The following TAPT1 variants were observed in gnomAD, a reference collection of about 807,000 sequenced individuals.
The protein encoded by TAPT1 is transmembrane anterior posterior transformation 1.
TAPT1 carries 28 observed loss-of-function variants against 65.6 expected under a neutral mutation model. That is an observed-to-expected ratio of 0.43 (90% CI 0.32 to 0.59). TAPT1 has a LOEUF of 0.59. Ranked by LOEUF, TAPT1 falls within the 20% of genes least tolerant of loss-of-function variation. TAPT1 has a pLI of 0.09. For missense variants in TAPT1, 563 were observed against 679.9 expected (o/e 0.83, Z 1.91); for synonymous variants, 278 against 245.2 (o/e 1.13, Z -1.25).
chr4:16,223,150 C>A (rs1316966469), intron 1 of TAPT1, among the ~76,000 whole-genome samples: 1 of 152,176 alleles, frequency 6.6e-6, no homozygotes, highest in Non-Finnish European at 1.5e-5. Context: ...GCAGTCTAAG[C>A]AAGCACAGAG....
intron 3 of TAPT1, among the ~76,000 whole-genome samples, chr4:16,197,656 C>T (rs1749793689): frequency 6.6e-6 from 1 of 152,164 alleles, no homozygotes; most frequent in East Asian, 1.9e-4. Flanking sequence ...AAAATTCTAT[C>T]ATTCTTCCAA....
intron 1 of TAPT1, among the ~76,000 whole-genome samples, 178 bp from the exon 2 acceptor site, chr4:16,214,076 T>C (rs575462597): frequency 1.3e-5 from 2 of 152,334 alleles, no homozygotes; most frequent in South Asian, 4.1e-4. Context: ...AAAAGTATTC[T>C]TCTTTGTGGT....
intron 5 of TAPT1, among the ~76,000 whole-genome samples, chr4:16,187,135 G>A (rs1749067575): frequency 6.6e-6 from 1 of 152,158 alleles, no homozygotes; most frequent in Non-Finnish European, 1.5e-5. Context: ...CTTTGCAACA[G>A]GGTTGTTTTG....
At chr4:16,169,775 G>A (rs930223973) in intron 12 of TAPT1, among the ~76,000 whole-genome samples, 2 of 152,332 alleles carry the variant, frequency 1.3e-5, no homozygotes, top group African/African-American at 4.8e-5. Context: ...GAAGCTTCCT[G>A]AGCACGTGCT....
At position 16,160,704 on chromosome 4, in the gene TAPT1, T is replaced by C. The variant is rs899435002; in HGVS notation, c.*2604A>G. 2 of 152,266 alleles carry C rather than the reference T, an allele frequency of 1.3e-5. No homozygotes were observed. Among genetic ancestry groups the C allele is most frequent in the Non-Finnish European group, 2.9e-5 (2 of 68,044 alleles). The allele number at this position is 152,266 out of a possible 1,614,324, so 9.4% of individuals were successfully genotyped here. ...CACATAGGAAGTGATTAACAAATCTTTGTTGATAAAAAATAGTTGAAAACA... is the reference window on the plus strand; with the variant it reads ...CACATAGGAAGTGATTAACAAATCTCTGTTGATAAAAAATAGTTGAAAACA... On this transcript the variant is annotated 3_prime_UTR_variant, in exon 14 of 14. Transcript: ENST00000405303.
intron 7 of TAPT1, among the ~76,000 whole-genome samples, chr4:16,183,299 A>G (rs983397021): frequency 5.9e-5 from 9 of 152,066 alleles, no homozygotes; most frequent in African/African-American, 1.9e-4. Context: ...CTTTGCTTAC[A>G]GCAAAAAGTA....
rs915532146 is a variant in TAPT1, at chr4:16,171,551, A to T, written c.1237-822T>A. On this transcript the variant is annotated intron_variant, in intron 11 of 13. Coordinates refer to ENST00000405303, the MANE Select transcript of TAPT1 (RefSeq NM_153365.3). ...AAGTCTATTAGGGTATCTTAAATAA[A>T]CATCATAATGGTACACATTTAAAAA... Among the ~76,000 whole-genome samples, 4 of 152,212 alleles carry T rather than the reference A, an allele frequency of 2.6e-5. No individual in the cohort carries two copies. The East Asian group carries it at 7.7e-4, about 29-fold the overall frequency.
intron 4 of TAPT1, among the ~76,000 whole-genome samples, chr4:16,189,134 T>C (rs1012206890): frequency 3.3e-5 from 5 of 152,064 alleles, no homozygotes; most frequent in African/African-American, 1.2e-4. Context: ...CAGGTATCAA[T>C]CTCCTTGAAT....
In TAPT1 at chr4:16,162,951, T is replaced by C. The variant is rs1354525842; in HGVS notation, c.*357A>G. 2.2e-6 allele frequency: 1 copy of C among 464,114 alleles called. No individual in the cohort carries two copies. Among genetic ancestry groups the C allele is most frequent in the African/African-American group, 2.0e-5 (1 of 50,464 alleles). The allele number at this position is 464,114 out of a possible 1,614,324, so 28.7% of individuals were successfully genotyped here. A position where few individuals can be genotyped will look rare whatever the true frequency, so the allele number is the denominator to read the frequency against. On this transcript the variant is annotated 3_prime_UTR_variant, in exon 14 of 14. Transcript: ENST00000405303. ...TCACAGTTTTCCAGGTATTTCCTTA[T>C]ACTGAAGAGGCCTTGAGGCAAATTC...
chr4:16,167,839 A>G (rs1747740491), intron 12 of TAPT1, among the ~76,000 whole-genome samples: 1 of 152,182 alleles, frequency 6.6e-6, no homozygotes, highest in African/African-American at 2.4e-5. Context: ...ACATCACTAT[A>G]TGGGTTATCA....
intron 13 of TAPT1, among the ~76,000 whole-genome samples, chr4:16,164,759 A>T (rs1284986564): frequency 6.6e-6 from 1 of 152,190 alleles, no homozygotes; most frequent in Non-Finnish European, 1.5e-5. Context: ...TATGCGTAAC[A>T]AGAGAACACG....
chr4:16,185,612 AC>A (rs1049909216), intron 7 of TAPT1, among the ~76,000 whole-genome samples: 11 of 152,224 alleles, frequency 7.2e-5, no homozygotes, highest in African/African-American at 2.4e-4. Context: ...CAGGTGATCC[AC>A]CAGCCTCGGC....
chr4:16,191,283 C>A, intron 4 of TAPT1, 78 bp downstream of exon 4: 1 of 1,426,514 alleles, frequency 7.0e-7, no homozygotes, highest in Non-Finnish European at 9.4e-7. Context: ...GCATTCTTGA[C>A]TCTCAGGTAC....
chr4:16,181,325 A>G (rs2039386587), intron 7 of TAPT1, among the ~76,000 whole-genome samples: 2 of 152,264 alleles, frequency 1.3e-5, no homozygotes, highest in Admixed American at 1.3e-4. Context: ...TGTATAATAT[A>G]GACTTGCTTC....
intron 1 of TAPT1, among the ~76,000 whole-genome samples, chr4:16,222,689 G>T (rs1364518093): frequency 1.3e-5 from 2 of 152,218 alleles, no homozygotes; most frequent in African/African-American, 2.4e-5. Flanking sequence ...TCTTTTAAGG[G>T]TATTGCTAAA....
chr4:16,185,710 C>T (rs970430501), intron 7 of TAPT1, among the ~76,000 whole-genome samples: 2 of 152,094 alleles, frequency 1.3e-5, no homozygotes, highest in African/African-American at 4.8e-5. Context: ...GTTCTCAGGA[C>T]CAAAAAGTCT....
At chr4:16,180,927 G>A (rs1033843412) in intron 7 of TAPT1, among the ~76,000 whole-genome samples, 4 of 152,220 alleles carry the variant, frequency 2.6e-5, no homozygotes, top group African/African-American at 9.6e-5. Flanking sequence ...GGCACAGTGA[G>A]TCTCAAGGTA....
intron 13 of TAPT1, among the ~76,000 whole-genome samples, chr4:16,166,098 C>T (rs1030502503): frequency 4.6e-5 from 7 of 152,306 alleles, no homozygotes; most frequent in Non-Finnish European, 7.4e-5. Flanking sequence ...TCCTTTGATG[C>T]GCCAAGCATC....
chr4:16,172,894 G>C (rs184793983), intron 11 of TAPT1, among the ~76,000 whole-genome samples: 2 of 151,800 alleles, frequency 1.3e-5, no homozygotes, highest in Non-Finnish European at 2.9e-5. Flanking sequence ...ACGCGATCTC[G>C]GCTTACTGCA....
Sources: allele counts gnomAD v4.1 joint callset (sites outside exome capture counted in the v4.1 genomes callset), GRCh38; gene constraint gnomAD v4.1.1; transcripts MANE v1.5; gene names NCBI Gene and HGNC (gene_info 2026-07-23, HGNC 2026-07-21).